SUMF1: variants seen among roughly 807,000 people sequenced by gnomAD.
SUMF1 encodes formylglycine-generating enzyme.
In SUMF1, 48 loss-of-function variants were observed where a neutral mutation model predicts 47.6. The observed-to-expected ratio is 1.01, with a 90% CI of 0.80 to 1.28. The LOEUF is 1.28. SUMF1 is among the 50% of genes most tolerant of loss of function. The pLI is 0.00. For synonymous variants in SUMF1, 230 were observed against 192.1 expected (o/e 1.20, Z -1.63); for missense variants, 571 against 485.4 (o/e 1.18, Z -1.66).
chr3:4,142,921 T>C (rs1026018705), intron 8 of SUMF1, among the ~76,000 whole-genome samples: 44 of 152,078 alleles, frequency 2.9e-4, no homozygotes, highest in Admixed American at 2.9e-3. Context: ...GAGAAGGTAG[T>C]ATTTTCCAAT....
intron 8 of SUMF1, among the ~76,000 whole-genome samples, chr3:4,268,137 C>CA (rs1166751195): frequency 2.0e-5 from 3 of 151,766 alleles, no homozygotes; most frequent in Non-Finnish European, 1.5e-5. Flanking sequence ...ATGTCAAGAA[C>CA]AAAAAACCAA....
intron 8 of SUMF1, among the ~76,000 whole-genome samples, chr3:4,076,804 C>A (rs1463093658): frequency 6.6e-6 from 1 of 152,046 alleles, no homozygotes; most frequent in Non-Finnish European, 1.5e-5. Context: ...TCCAGACCAT[C>A]CTGGCTAACA....
intron 8 of SUMF1, among the ~76,000 whole-genome samples, chr3:4,092,122 T>G (rs956563330): frequency 6.6e-6 from 1 of 152,078 alleles, no homozygotes; most frequent in African/African-American, 2.4e-5. Context: ...AATCAATTCT[T>G]TAGTCCTCTC....
At chr3:4,132,994 C>T (rs954535066) in intron 8 of SUMF1, among the ~76,000 whole-genome samples, 1 of 152,078 alleles carries the variant, frequency 6.6e-6, no homozygotes, top group African/African-American at 2.4e-5. Flanking sequence ...GGAAAAAAAC[C>T]ACAACCTGCT....
At chr3:4,241,911 AAC>A in intron 8 of SUMF1, among the ~76,000 whole-genome samples, 1 of 152,280 alleles carries the variant, frequency 6.6e-6, no homozygotes, top group South Asian at 2.1e-4. Flanking sequence ...ACATTTACAT[AAC>A]ACACAGGGAA....
intron 8 of SUMF1, among the ~76,000 whole-genome samples, chr3:4,342,881 C>A (rs1395494978): frequency 6.6e-6 from 1 of 152,210 alleles, no homozygotes; most frequent in Non-Finnish European, 1.5e-5. Context: ...TCCTGGCAAC[C>A]TCTTTCCTCT....
chr3:4,190,338 C>T (rs971399407), intron 8 of SUMF1, among the ~76,000 whole-genome samples: 3 of 151,948 alleles, frequency 2.0e-5, no homozygotes, highest in Admixed American at 6.6e-5. Flanking sequence ...GCGACAGCAA[C>T]GTGTCTGTAG....
intron 8 of SUMF1, among the ~76,000 whole-genome samples, chr3:4,085,785 T>C (rs1433462107): frequency 6.6e-6 from 1 of 152,130 alleles, no homozygotes; most frequent in Non-Finnish European, 1.5e-5. Context: ...GTTGTTTTAA[T>C]ATAAAGCCCA....
intron 8 of SUMF1, among the ~76,000 whole-genome samples, chr3:4,115,962 A>T (rs1693415479): frequency 6.6e-6 from 1 of 152,152 alleles, no homozygotes; most frequent in Non-Finnish European, 1.5e-5. Flanking sequence ...AAACAAAAAA[A>T]TCAGGCATTT....
intron 8 of SUMF1, among the ~76,000 whole-genome samples, chr3:4,131,713 C>G (rs1030439155): frequency 6.6e-6 from 1 of 152,108 alleles, no homozygotes; most frequent in East Asian, 1.9e-4. Context: ...CGTGGATGAA[C>G]CTCTCTGAGT....
intron 8 of SUMF1, among the ~76,000 whole-genome samples, chr3:4,296,673 C>T (rs1697859008): frequency 6.6e-6 from 1 of 152,156 alleles, no homozygotes; most frequent in Non-Finnish European, 1.5e-5. Flanking sequence ...TCCCACGACA[C>T]GTGCGGATTA....
intron 8 of SUMF1, chr3:4,317,668 C>CTGTT (rs1698718960): frequency 6.5e-6 from 1 of 154,958 alleles, no homozygotes; most frequent in Admixed American, 6.3e-5. Flanking sequence ...ATAGCAGTGG[C>CTGTT]TGTTAGATTT....
chr3:4,266,401 C>T (rs1369101610), intron 8 of SUMF1, among the ~76,000 whole-genome samples: 9 of 151,992 alleles, frequency 5.9e-5, no homozygotes, highest in South Asian at 2.1e-4. Flanking sequence ...CCTCTTTTAT[C>T]TCATTGAGCA....
intron 1 of SUMF1, among the ~76,000 whole-genome samples, chr3:4,458,495 A>T (rs559832080): frequency 6.6e-6 from 1 of 152,344 alleles, no homozygotes; most frequent in South Asian, 2.1e-4. Context: ...CCCTTATCAT[A>T]TAAATGGATA....
At chr3:4,128,492 T>C (rs1310652861) in intron 8 of SUMF1, among the ~76,000 whole-genome samples, 3 of 152,102 alleles carry the variant, frequency 2.0e-5, no homozygotes, top group Admixed American at 1.3e-4. Context: ...AGATCAACCC[T>C]GCATTGCCTG....
intron 8 of SUMF1, among the ~76,000 whole-genome samples, chr3:4,095,504 C>T (rs1335587771): frequency 6.6e-6 from 1 of 152,030 alleles, no homozygotes; most frequent in Non-Finnish European, 1.5e-5. Flanking sequence ...CAGAAAACAT[C>T]AAATGACTTG....
At chr3:4,350,037 G>A (rs1394779269) in intron 8 of SUMF1, among the ~76,000 whole-genome samples, 1 of 142,430 alleles carries the variant, frequency 7.0e-6, no homozygotes, top group Admixed American at 7.4e-5. Flanking sequence ...GTCTCGCTCT[G>A]TCGCCCAGGC....
intron 3 of SUMF1, among the ~76,000 whole-genome samples, chr3:4,431,732 T>TGAAG (rs1431210329): frequency 1.3e-5 from 2 of 152,162 alleles, no homozygotes; most frequent in Non-Finnish European, 2.9e-5. Flanking sequence ...AAGCTAGCCC[T>TGAAG]GAAGTCACAG....
At chr3:4,359,658 TG>T (rs913550372), downstream of SUMF1, among the ~76,000 whole-genome samples, 4 of 152,052 alleles carry the variant, frequency 2.6e-5, no homozygotes, top group Non-Finnish European at 5.9e-5. Flanking sequence ...TGCTGAGCAA[TG>T]GGGGAAAAGC....
Sources: allele counts gnomAD v4.1 joint callset (sites outside exome capture counted in the v4.1 genomes callset), GRCh38; gene constraint gnomAD v4.1.1; transcripts MANE v1.5; gene names NCBI Gene and HGNC (gene_info 2026-07-23, HGNC 2026-07-21).